OR5A1: variants seen among roughly 807,000 people sequenced by gnomAD.
OR5A1 encodes the protein olfactory receptor 5A1.
Under a neutral mutation model 6.7 loss-of-function variants are expected in OR5A1, and 6 were observed. That is an observed-to-expected ratio of 0.89 (90% CI 0.49 to 1.76). OR5A1 has a LOEUF of 1.76. OR5A1 is among the 40% of genes most tolerant of loss of function. The pLI, the probability that OR5A1 is intolerant of heterozygous loss-of-function variation, is 0.01. For synonymous variants in OR5A1, 170 were observed against 155.0 expected, an observed-to-expected ratio of 1.10 and a Z score of -0.72; for missense variants, 378 against 381.7, an observed-to-expected ratio of 0.99 and a Z score of 0.08.
chr11:59,442,210 G>A (rs1172836330), intron 1 of OR5A1, among the ~76,000 whole-genome samples: 3 of 152,184 alleles, frequency 2.0e-5, no homozygotes, highest in Non-Finnish European at 2.9e-5. Flanking sequence ...ACTTTGGGAG[G>A]CTGAGGCGGG....
At position 59,444,124 on chromosome 11, in the gene OR5A1, G is replaced by A. The variant is rs371898839; in HGVS notation, c.*8G>A. 77 of 1,576,088 alleles carry A rather than the reference G, an allele frequency of 4.9e-5. No individual in the cohort carries two copies. Among genetic ancestry groups the A allele is most frequent in the Middle Eastern group, 3.4e-4 (2 of 5,960 alleles). On this transcript the variant is annotated 3_prime_UTR_variant, in exon 2 of 2. Coordinates refer to ENST00000641045, the MANE Select transcript of OR5A1 (RefSeq NM_001004728.2). ...AAGAAAGTGTTTTCTTAGGTCATGC[G>A]TAGAAACTTATTTATCCAAACTGCT...
chr11:59,450,171 T>G lies in OR5A1; in HGVS notation c.*6055T>G, dbSNP rs1219954780. 5 of 152,214 alleles carry G rather than the reference T, an allele frequency of 3.3e-5. No homozygotes were observed. Among genetic ancestry groups the G allele is most frequent in the Admixed American group, 6.5e-5 (1 of 15,280 alleles). The allele number at this position is 152,214 out of a possible 1,614,324, so 9.4% of individuals were successfully genotyped here. On this transcript the variant is annotated 3_prime_UTR_variant, in exon 2 of 2. Transcript: ENST00000641045. ...TGCTCTTTTGAACAAGCTAATTCTATGTTCAATCATGCAACCCTGAGGTTA... is the reference window on the plus strand; with the variant it reads ...TGCTCTTTTGAACAAGCTAATTCTAGGTTCAATCATGCAACCCTGAGGTTA...
At chr11:59,441,606 A>G (rs1858480788) in intron 1 of OR5A1, among the ~76,000 whole-genome samples, 1 of 152,196 alleles carries the variant, frequency 6.6e-6, no homozygotes, top group African/African-American at 2.4e-5. Context: ...GAAACCTACC[A>G]GTTTCAGAGA....
Position 59,443,004 on chromosome 11 carries a change from A to G in OR5A1, c.-33-132A>G, listed in dbSNP as rs1858497443. ...TCCCTTCTTTGAGAGAGAGAGACTG[A>G]GACTGAGACTGAGAAAGAGAAAGAG... is the stretch of plus-strand genomic sequence containing the variant. On this transcript the variant is annotated intron_variant, in intron 1 of 1. Coordinates refer to ENST00000641045, the MANE Select transcript of OR5A1 (RefSeq NM_001004728.2). The G allele has an allele frequency of 1.2e-5, 7 of 599,168 alleles. No individual in the cohort carries two copies. In the Admixed American group the frequency reaches 1.5e-4, roughly 13 times the overall value. 37.1% of individuals were successfully genotyped at this position (599,168 alleles called of 1,614,324 possible).
At chr11:59,441,411 A>G (rs1200929531) in intron 1 of OR5A1, among the ~76,000 whole-genome samples, 4 of 152,216 alleles carry the variant, frequency 2.6e-5, no homozygotes, top group African/African-American at 9.7e-5. Context: ...TATTGATCAT[A>G]TTAATCAAAA....
chr11:59,444,254 C>T lies in OR5A1; in HGVS notation c.*138C>T, dbSNP rs117738454. 0.042 allele frequency: 22,810 copies of T among 538,078 alleles called. 632 individuals carry two copies. The highest frequency in any genetic ancestry group is 0.07 in the Middle Eastern group (149 of 2,134). The allele number at this position is 538,078 out of a possible 1,614,324, so 33.3% of individuals were successfully genotyped here. On this transcript the variant is annotated 3_prime_UTR_variant, in exon 2 of 2. Transcript: ENST00000641045. ...CTCTTCCCTCCAGATTCCTCTCACC[C>T]TTCCTCATGGTCACTTGTCTACTGA...
intron 1 of OR5A1, among the ~76,000 whole-genome samples, chr11:59,438,858 T>C (rs1193555381): frequency 1.3e-5 from 2 of 152,250 alleles, no homozygotes; most frequent in African/African-American, 4.8e-5. Context: ...ATCTTAATTC[T>C]TGAATTAAAG....
chr11:59,444,234 C>T lies in OR5A1; in HGVS notation c.*118C>T, dbSNP rs546788462. On this transcript the variant is annotated 3_prime_UTR_variant, in exon 2 of 2. Transcript: ENST00000641045. ...GGTGCTCTCATTTGTGGAGACTCTT[C>T]CCTCCAGATTCCTCTCACCCTTCCT... 8 of 672,884 alleles carry T rather than the reference C, an allele frequency of 1.2e-5. No homozygotes were observed. The South Asian group carries it at 1.6e-4, about 13-fold the overall frequency. The allele number at this position is 672,884 out of a possible 1,614,324, so 41.7% of individuals were successfully genotyped here. A position where few individuals can be genotyped will look rare whatever the true frequency, so the allele number is the denominator to read the frequency against.
rs528752143 is a variant in OR5A1 at position 59,444,730 on chromosome 11, C to A, written c.*614C>A. ...TAAGGTAAATTAGAAAAACAAGATG[C>A]CTACCTCATCAAATGCCCTCTCTAG... is the stretch of plus-strand genomic sequence containing the variant. On this transcript the variant is annotated 3_prime_UTR_variant, in exon 2 of 2. Coordinates refer to ENST00000641045, the MANE Select transcript of OR5A1 (RefSeq NM_001004728.2). 1 of 152,322 alleles carries A rather than the reference C, an allele frequency of 6.6e-6. No individual in the cohort carries two copies. The highest frequency in any genetic ancestry group is 2.4e-5 in the African/African-American group (1 of 41,544). The allele number at this position is 152,322 out of a possible 1,614,324, so 9.4% of individuals were successfully genotyped here. A position where few individuals can be genotyped will look rare whatever the true frequency, so the allele number is the denominator to read the frequency against.
rs1361697771 is a variant in OR5A1 at position 59,443,674 on chromosome 11, T to C, written c.506T>C (p.Leu169Pro). Residue 169 changes from leucine (L) to proline (P), a missense_variant, in exon 2 of 2, where the codon CTT becomes CCT. Coordinates refer to ENST00000641045, the MANE Select transcript of OR5A1 (RefSeq NM_001004728.2). ...SLIQASSIFR[L>P]HFCGPNIINH... Reference sequence around the variant, plus strand: ...ATCCAGGCCAGCTCCATATTTAGGCTTCACTTTTGCGGACCCAACATCATC... The same window carrying C: ...ATCCAGGCCAGCTCCATATTTAGGCCTCACTTTTGCGGACCCAACATCATC... 1.2e-6 allele frequency: 2 copies of C among 1,614,122 alleles called. No homozygotes were observed. Among genetic ancestry groups the C allele is most frequent in the South Asian group, 2.2e-5 (2 of 91,066 alleles).
chr11:59,437,099 C>T (rs975110316), intron 1 of OR5A1, among the ~76,000 whole-genome samples: 1 of 152,154 alleles, frequency 6.6e-6, no homozygotes, highest in Non-Finnish European at 1.5e-5. Flanking sequence ...TACTCCTACA[C>T]ATGCATAGCC....
Position 59,443,136 on chromosome 11 carries a change from GT to G in OR5A1, c.-32del. ...ATGTGGACTGTCATTACTATCCCAG[GT>G]CTGCATCTTGTCCTTGTGGTCCACG... On this transcript the variant is annotated splice_region_variant and 5_prime_UTR_variant, in exon 2 of 2. Coordinates refer to ENST00000641045, the MANE Select transcript of OR5A1 (RefSeq NM_001004728.2). The G allele has an allele frequency of 1.9e-6, 3 of 1,539,462 alleles. No homozygotes were observed. The South Asian group carries it at 3.4e-5, about 18-fold the overall frequency.
rs764775984 is a variant in OR5A1 at position 59,443,902 on chromosome 11, C to T, written c.734C>T (p.Ala245Val). 1 of 1,613,982 alleles carries T rather than the reference C, an allele frequency of 6.2e-7. No homozygotes were observed. Among genetic ancestry groups the T allele is most frequent in the South Asian group, 1.1e-5 (1 of 91,074 alleles). ...EGRWKACNTC[A>V]SHLMVVTLLF... ...CGATGGAAAGCCTGCAACACGTGTG[C>T]CTCGCATCTGATGGTGGTGACTCTG... The change falls in exon 2 of 2, where the codon GCC (alanine) becomes GTC (valine). Residue 245 changes from alanine (A) to valine (V), a missense_variant. Coordinates refer to ENST00000641045, the MANE Select transcript of OR5A1 (RefSeq NM_001004728.2).
In OR5A1 at chr11:59,444,917, G is replaced by T. The variant is rs1300686367; in HGVS notation, c.*801G>T. On this transcript the variant is annotated 3_prime_UTR_variant, in exon 2 of 2. Coordinates refer to ENST00000641045, the MANE Select transcript of OR5A1 (RefSeq NM_001004728.2). The stretch of plus-strand genomic sequence containing the variant: ...CAATACTCTTCTTTTCTCAGTCTCA[G>T]TCCCCTAAACTGCCTATCAGTCAGT... 1 of 152,100 alleles carries T rather than the reference G, an allele frequency of 6.6e-6. No individual in the cohort carries two copies. The highest frequency in any genetic ancestry group is 1.9e-4 in the East Asian group (1 of 5,200). 9.4% of individuals were successfully genotyped at this position (152,100 alleles called of 1,614,324 possible). A position where few individuals can be genotyped will look rare whatever the true frequency, so the allele number is the denominator to read the frequency against.
Position 59,444,628 on chromosome 11 carries a change from T to C in OR5A1, c.*512T>C, listed in dbSNP as rs1858527017. ...CTGCACTCCACATTCAACAAAAAAA[T>C]AGCCCAAAAGTAGTACGAGTATATA... is the stretch of plus-strand genomic sequence containing the variant. On this transcript the variant is annotated 3_prime_UTR_variant, in exon 2 of 2. Transcript: ENST00000641045. 1 of 153,280 alleles carries C rather than the reference T, an allele frequency of 6.5e-6. No homozygotes were observed. The highest frequency in any genetic ancestry group is 2.1e-4 in the South Asian group (1 of 4,858). The allele number at this position is 153,280 out of a possible 1,614,324, so 9.5% of individuals were successfully genotyped here. A position where few individuals can be genotyped will look rare whatever the true frequency, so the allele number is the denominator to read the frequency against.
chr11:59,444,036 C>T lies in OR5A1; in HGVS notation c.868C>T (p.Pro290Ser). 1 of 1,614,070 alleles carries T rather than the reference C, an allele frequency of 6.2e-7. No individual in the cohort carries two copies. Among genetic ancestry groups the T allele is most frequent in the Admixed American group, 1.7e-5 (1 of 60,018 alleles). ...TTCATTGGTGATCCCCATGCTGAACCCTCTCATTTACAGTTTGAGGAACAA... is the reference window on the plus strand; with the variant it reads ...TTCATTGGTGATCCCCATGCTGAACTCTCTCATTTACAGTTTGAGGAACAA... ...FYSLVIPMLN[P>S]LIYSLRNKEI... Residue 290 changes from proline (P) to serine (S), a missense_variant, in exon 2 of 2, where the codon CCT becomes TCT. Coordinates refer to ENST00000641045, the MANE Select transcript of OR5A1 (RefSeq NM_001004728.2).
chr11:59,443,311 T>A lies in OR5A1; in HGVS notation c.143T>A (p.Leu48His). 1 of 1,613,844 alleles carries A rather than the reference T, an allele frequency of 6.2e-7. No individual in the cohort carries two copies. Among genetic ancestry groups the A allele is most frequent in the Non-Finnish European group, 8.5e-7 (1 of 1,180,016 alleles). ...YLTTLAWNLA[L>H]IFLIRGDTHL... Reference sequence around the variant, plus strand: ...ACCACCCTGGCCTGGAACCTGGCCCTCATTTTTCTGATCAGAGGTGACACC... The same window carrying A: ...ACCACCCTGGCCTGGAACCTGGCCCACATTTTTCTGATCAGAGGTGACACC... The change falls in exon 2 of 2, where the codon CTC becomes CAC. Residue 48 changes from leucine (L) to histidine (H), a missense_variant. Transcript: ENST00000641045.
intron 1 of OR5A1, among the ~76,000 whole-genome samples, chr11:59,440,680 T>C (rs1009610151): frequency 1.3e-5 from 2 of 152,228 alleles, no homozygotes; most frequent in Admixed American, 1.3e-4. Context: ...AGTTTCTCCA[T>C]GTGACTCTAC....
rs901621135 is a variant in OR5A1, at chr11:59,447,513, G to A, written c.*3397G>A. 2.0e-5 allele frequency: 3 copies of A among 152,084 alleles called. No individual in the cohort carries two copies. The highest frequency in any genetic ancestry group is 4.4e-5 in the Non-Finnish European group (3 of 68,016). The allele number at this position is 152,084 out of a possible 1,614,324, so 9.4% of individuals were successfully genotyped here. On this transcript the variant is annotated 3_prime_UTR_variant, in exon 2 of 2. Coordinates refer to ENST00000641045, the MANE Select transcript of OR5A1 (RefSeq NM_001004728.2). ...GGATACTTGCTTTACAGAAATATCA[G>A]CAAATGAATCAAAAATTTACAGGCA...
Sources: gnomAD v4.1 joint callset for allele counts (sites outside exome capture counted in the v4.1 genomes callset) on GRCh38, gnomAD v4.1.1 for gene constraint, MANE v1.5 for transcripts, NCBI Gene and HGNC (gene_info 2026-07-23, HGNC 2026-07-21) for gene names.